PRUNE2: variants seen among roughly 807,000 people sequenced by gnomAD.
PRUNE2 encodes the protein protein prune homolog 2.
Under a neutral mutation model 252.0 loss-of-function variants are expected in PRUNE2, and 164 were observed. The observed-to-expected ratio is 0.65, with a 90% confidence interval of 0.57 to 0.74. The LOEUF (loss-of-function observed/expected upper bound fraction) is 0.74. Among genes scored for constraint, PRUNE2 ranks in the 30% least tolerant of loss-of-function variants. The pLI is 0.00. For synonymous variants in PRUNE2, 1,292 were observed against 1,350.2 expected, an observed-to-expected ratio of 0.96 and a Z score of 0.94; for missense variants, 3,495 against 3,711.0, an observed-to-expected ratio of 0.94 and a Z score of 1.51.
intron 6 of PRUNE2, among the ~76,000 whole-genome samples, chr9:76,775,677 T>C (rs1334578694): frequency 1.3e-5 from 2 of 152,222 alleles, no homozygotes; most frequent in African/African-American, 4.8e-5. Flanking sequence ...ATGTTATCTC[T>C]TTACATTTGC....
rs553871226 is a variant in PRUNE2, at chr9:76,791,539, A to G, written c.756+32093T>C. Among the ~76,000 whole-genome samples the G allele has an allele frequency of 4.1e-5, 3 of 74,030 alleles. No individual in the cohort carries two copies. The South Asian group carries it at 1.6e-3, about 40-fold the overall frequency. 48.6% of individuals were successfully genotyped at this position (74,030 alleles called of 152,430 possible). ...TCATTGGTACAATAATACTGCACCA[A>G]TTATCATTGGTACAATAATACTGCA... On this transcript the variant is annotated intron_variant, in intron 6 of 18. Transcript: ENST00000376718.
chr9:76,649,615 T>C (rs2133172900), intron 11 of PRUNE2, among the ~76,000 whole-genome samples: 1 of 122,570 alleles, frequency 8.2e-6, no homozygotes, highest in South Asian at 2.6e-4. Flanking sequence ...AGATAGATGA[T>C]AGATAGATAG....
Position 76,799,361 on chromosome 9 carries a change from T to A in PRUNE2, c.756+24271A>T, listed in dbSNP as rs865920771. On this transcript the variant is annotated intron_variant, in intron 6 of 18. Coordinates refer to ENST00000376718, the MANE Select transcript of PRUNE2 (RefSeq NM_015225.3). Reference sequence around the variant, plus strand: ...TGTCTCAAAAAAAAAAAAAAAAAAATCAGTGATTTTCCAATGAGTGTACCA... The same window carrying A: ...TGTCTCAAAAAAAAAAAAAAAAAAAACAGTGATTTTCCAATGAGTGTACCA... 8.3e-3 allele frequency among the ~76,000 whole-genome samples: 1,143 copies of A among 137,994 alleles called. 12 individuals are homozygous for A. Among genetic ancestry groups the A allele is most frequent in the African/African-American group, 0.029 (1,075 of 37,124 alleles). The allele number at this position is 137,994 out of a possible 152,430, so 90.5% of individuals were successfully genotyped here.
intron 6 of PRUNE2, among the ~76,000 whole-genome samples, chr9:76,791,904 T>C (rs1936289): frequency 0.64 from 96,774 of 151,714 alleles, 31,336 homozygotes; most frequent in African/African-American, 0.75. Context: ...GGAGAGATGC[T>C]GGTAGGACCT....
At chr9:76,838,168 T>TTC (rs1280920599) in intron 4 of PRUNE2, among the ~76,000 whole-genome samples, 1 of 150,678 alleles carries the variant, frequency 6.6e-6, no homozygotes, top group Non-Finnish European at 1.5e-5. Context: ...CCTTTTTTTT[T>TTC]CTCTTTTATT....
At chr9:76,737,820 C>A (rs2049212403) in intron 6 of PRUNE2, 1 of 152,194 alleles carries the variant, frequency 6.6e-6, no homozygotes, top group African/African-American at 2.4e-5. Flanking sequence ...TGATTCAATT[C>A]AACAATATCT....
At chr9:76,649,955 T>G (rs1445929131) in intron 11 of PRUNE2, among the ~76,000 whole-genome samples, 2 of 149,768 alleles carry the variant, frequency 1.3e-5, no homozygotes, top group African/African-American at 2.5e-5. Flanking sequence ...TTTTTTAGAG[T>G]CTCCCGCAAG....
rs776210344 is a variant in PRUNE2 at position 76,705,388 on chromosome 9, C to T, written c.6886G>A (p.Glu2296Lys). ...LASDTCLDIS[E>K]AAFDHSFSDA... ...CTGAAACTGTGGTCAAAGGCAGCTT[C>T]GCTTATATCCAGACAAGTGTCTGAG... The change falls in exon 8 of 19, where the codon GAA becomes AAA. Residue 2296 changes from glutamate to lysine, a missense_variant. Physicochemically the swap from Glu to Lys is moderately conservative, Grantham distance 56. Transcript: ENST00000376718. 15 of 1,613,830 alleles carry T rather than the reference C, an allele frequency of 9.3e-6. No individual in the cohort carries two copies. The highest frequency in any genetic ancestry group is 5.0e-5 in the Admixed American group (3 of 59,996).
chr9:76,830,218 T>C (rs1346491077), intron 4 of PRUNE2, among the ~76,000 whole-genome samples: 1 of 151,928 alleles, frequency 6.6e-6, no homozygotes, highest in African/African-American at 2.4e-5. Flanking sequence ...TTAAGAGAGA[T>C]GGAGAAATGG....
In PRUNE2 at chr9:76,707,945, A is replaced by G. The variant is rs1386782844; in HGVS notation, c.4329T>C (p.Thr1443=). 1.2e-5 allele frequency: 19 copies of G among 1,613,788 alleles called. No individual in the cohort carries two copies. Among genetic ancestry groups the G allele is most frequent in the Non-Finnish European group, 1.4e-5 (17 of 1,179,872 alleles). Residue 1443 remains threonine, a synonymous_variant, in exon 8 of 19, where the codon ACT becomes ACC. Transcript: ENST00000376718. ...AATTCATCCCATCTGAAGTCTCAGTAGTTTCACCTGAATTTCTTTGACTCA... is the reference window on the plus strand; with the variant it reads ...AATTCATCCCATCTGAAGTCTCAGTGGTTTCACCTGAATTTCTTTGACTCA... ...HLMSQRNSGE[T]TETSDGMNFT... is the part of the protein sequence containing the mutation.
intron 6 of PRUNE2, among the ~76,000 whole-genome samples, chr9:76,800,674 T>TG (rs978243403): frequency 6.6e-6 from 1 of 152,270 alleles, no homozygotes; most frequent in South Asian, 2.1e-4. Flanking sequence ...AGGAAGACAT[T>TG]GCGCCCTACT....
rs143156035 is a variant in PRUNE2, at chr9:76,622,861, G to GT, written c.9188+1590dup. ...AAGAAAATGAGAAGACTGGAATATT[G>GT]TAACAGTAAACTCCACTAATGCTAA... On this transcript the variant is annotated intron_variant, in intron 17 of 18. Transcript: ENST00000376718. Among the ~76,000 whole-genome samples, 1,319 of 152,268 alleles carry GT rather than the reference G, an allele frequency of 8.7e-3. 26 individuals are homozygous for GT. Among genetic ancestry groups the GT allele is most frequent in the African/African-American group, 0.03 (1,253 of 41,552 alleles).
intron 10 of PRUNE2, among the ~76,000 whole-genome samples, chr9:76,653,018 G>A (rs1180502593): frequency 6.6e-6 from 1 of 152,116 alleles, no homozygotes; most frequent in Non-Finnish European, 1.5e-5. Context: ...TTCAGCAAAA[G>A]CAGACCTGAT....
At chr9:76,828,048 T>C (rs1404928579) in intron 4 of PRUNE2, among the ~76,000 whole-genome samples, 1 of 152,136 alleles carries the variant, frequency 6.6e-6, no homozygotes, top group African/African-American at 2.4e-5. Context: ...TCACGGGAGA[T>C]TAGAGGTTAC....
intron 3 of PRUNE2, among the ~76,000 whole-genome samples, chr9:76,849,055 C>T (rs1191540026): frequency 6.6e-6 from 1 of 152,128 alleles, no homozygotes; most frequent in Non-Finnish European, 1.5e-5. Context: ...ACCACAGGTA[C>T]ATACCACTAT....
Position 76,707,149 on chromosome 9 carries a change from C to A in PRUNE2, c.5125G>T (p.Val1709Phe), listed in dbSNP as rs762338253. The A allele has an allele frequency of 6.2e-7, 1 of 1,613,970 alleles. No individual in the cohort carries two copies. Among genetic ancestry groups the A allele is most frequent in the Non-Finnish European group, 8.5e-7 (1 of 1,179,860 alleles). The change falls in exon 8 of 19, where the codon GTT becomes TTT. Residue 1709 changes from valine (V) to phenylalanine (F), a missense_variant. Transcript: ENST00000376718. ...EEEIQVANCH[V>F]AEDESRAWDS... ...CAAGCTCTGGATTCATCCTCAGCAA[C>A]GTGGCAGTTGGCCACCTGGATCTCT...
At chr9:76,858,058 T>A (rs2060352238) in intron 1 of PRUNE2, among the ~76,000 whole-genome samples, 2 of 152,188 alleles carry the variant, frequency 1.3e-5, no homozygotes, top group Admixed American at 6.5e-5. Context: ...CTATGGATGA[T>A]TCACAAACAG....
intron 6 of PRUNE2, chr9:76,758,552 TGCA>T (rs1452885151): frequency 1.3e-5 from 2 of 149,566 alleles, no homozygotes; most frequent in Admixed American, 1.3e-4. Context: ...TAGGATGGAG[TGCA>T]GCACCGTGAT....
intron 6 of PRUNE2, among the ~76,000 whole-genome samples, chr9:76,768,910 A>G (rs1464429659): frequency 2.0e-5 from 3 of 152,204 alleles, no homozygotes; most frequent in Non-Finnish European, 4.4e-5. Flanking sequence ...GTACTTTATA[A>G]AAAATTTAAA....
Sources: allele counts gnomAD v4.1 joint callset (sites outside exome capture counted in the v4.1 genomes callset), GRCh38; gene constraint gnomAD v4.1.1; transcripts MANE v1.5; gene names NCBI Gene and HGNC (gene_info 2026-07-23, HGNC 2026-07-21).